PREX2: variants seen among roughly 807,000 people sequenced by gnomAD.
The protein encoded by PREX2 is phosphatidylinositol-3,4,5-trisphosphate dependent Rac exchange factor 2, also known as phosphatidylinositol 3,4,5-trisphosphate-dependent Rac exchanger 2 protein.
In PREX2, 107 loss-of-function variants were observed where a neutral mutation model predicts 203.2. That is an observed-to-expected ratio of 0.53 (90% CI 0.45 to 0.62). The LOEUF is 0.62. Among genes scored for constraint, PREX2 ranks in the 20% least tolerant of loss-of-function variants. PREX2 has a pLI of 0.00. For missense variants in PREX2, 1,777 were observed against 1,955.9 expected, an observed-to-expected ratio of 0.91 and a Z score of 1.72; for synonymous variants, 672 against 663.6, an observed-to-expected ratio of 1.01 and a Z score of -0.19.
rs115678173 is a variant in PREX2 at position 67,977,749 on chromosome 8, A to G, written c.141+25214A>G. 3.6e-3 allele frequency among the ~76,000 whole-genome samples: 542 copies of G among 152,296 alleles called. 11 individuals are homozygous for G. Among genetic ancestry groups the G allele is most frequent in the African/African-American group, 0.013 (521 of 41,574 alleles). ...CAATGATTTAATCAATTGTGTCTAC[A>G]TAATGAAGCTTCCATAAAAACCCCA... On this transcript the variant is annotated intron_variant, in intron 1 of 39. Transcript: ENST00000288368.
chr8:68,157,436 GGTAT>G lies in PREX2; in HGVS notation c.4346+4_4346+7del. 6.4e-7 allele frequency: 1 copy of G among 1,562,312 alleles called. No individual in the cohort carries two copies. Among genetic ancestry groups the G allele is most frequent in the Non-Finnish European group, 8.8e-7 (1 of 1,134,402 alleles). On this transcript the variant is annotated splice_donor_variant and splice_donor_region_variant and intron_variant, in intron 35 of 39. Coordinates refer to ENST00000288368, the MANE Select transcript of PREX2 (RefSeq NM_024870.4). LOFTEE classifies it high-confidence loss of function. ...GTCAAACAGTACAACCAGAAGCTCAGGTATGTAACAATCCAACTGAAAAATAATG... is the reference window on the plus strand; with the variant it reads ...GTCAAACAGTACAACCAGAAGCTCAGGTAACAATCCAACTGAAAAATAATG...
chr8:68,061,332 T>C (rs775123084), intron 11 of PREX2, among the ~76,000 whole-genome samples: 5 of 152,198 alleles, frequency 3.3e-5, no homozygotes, highest in Non-Finnish European at 7.3e-5. Context: ...AGTCTCCTGC[T>C]GTGGCATGTG....
chr8:68,227,461 A>C (rs1813076486), intron 39 of PREX2, among the ~76,000 whole-genome samples: 2 of 152,284 alleles, frequency 1.3e-5, no homozygotes, highest in Non-Finnish European at 2.9e-5. Flanking sequence ...ATTGAGCATC[A>C]ATCCTCATCC....
chr8:68,202,437 T>G (rs1812524313), intron 37 of PREX2, among the ~76,000 whole-genome samples: 1 of 152,106 alleles, frequency 6.6e-6, no homozygotes, highest in South Asian at 2.1e-4. Flanking sequence ...AATGAAGGGT[T>G]TTCAGCTAAA....
Position 68,046,913 on chromosome 8 carries a change from A to G in PREX2, c.943+2323A>G, listed in dbSNP as rs773231343. Among the ~76,000 whole-genome samples, 91 of 152,034 alleles carry G rather than the reference A, an allele frequency of 6.0e-4. 1 individual carries two copies. Among genetic ancestry groups the G allele is most frequent in the Non-Finnish European group, 2.4e-4 (16 of 67,980 alleles). ...GTTCCTGGGGAATTGAATAATAGAA[A>G]TTTTGAAGAAGGATAGGATCTTGGT... On this transcript the variant is annotated intron_variant, in intron 8 of 39. Transcript: ENST00000288368.
At chr8:68,138,006 T>C (rs147094666) in intron 32 of PREX2, among the ~76,000 whole-genome samples, 1 of 152,378 alleles carries the variant, frequency 6.6e-6, no homozygotes, top group Admixed American at 6.5e-5. Context: ...AGGATAGCTA[T>C]TATGTAGTTT....
chr8:68,086,241 A>G (rs1473806315), intron 18 of PREX2, among the ~76,000 whole-genome samples: 1 of 152,186 alleles, frequency 6.6e-6, no homozygotes, highest in Admixed American at 6.5e-5. Context: ...CCGAGAGCAG[A>G]AAATCTTCAT....
At chr8:68,088,747 G>T (rs1207718530) in intron 19 of PREX2, among the ~76,000 whole-genome samples, 1 of 152,134 alleles carries the variant, frequency 6.6e-6, no homozygotes, top group Admixed American at 6.5e-5. Context: ...ATTAAATATT[G>T]TCAAACTAAA....
intron 30 of PREX2, among the ~76,000 whole-genome samples, chr8:68,121,272 A>C (rs904996352): frequency 6.6e-6 from 1 of 152,126 alleles, no homozygotes. Context: ...ATTCTCAGTG[A>C]ATAAAATAAG....
chr8:67,978,858 T>G (rs1806187169), intron 1 of PREX2, among the ~76,000 whole-genome samples: 1 of 152,210 alleles, frequency 6.6e-6, no homozygotes, highest in Non-Finnish European at 1.5e-5. Flanking sequence ...GTTTATAGCT[T>G]AGAGTAGTTA....
At chr8:68,208,843 C>T (rs1025535752) in intron 37 of PREX2, among the ~76,000 whole-genome samples, 1 of 151,960 alleles carries the variant, frequency 6.6e-6, no homozygotes. Context: ...AATCCCAGCA[C>T]TTTGCGAGGC....
intron 1 of PREX2, among the ~76,000 whole-genome samples, chr8:67,992,179 A>G (rs961812838): frequency 4.6e-5 from 7 of 152,044 alleles, no homozygotes; most frequent in Non-Finnish European, 1.0e-4. Flanking sequence ...AAGCTAAGAT[A>G]CGAGTGCTGG....
chr8:68,099,921 A>G, intron 23 of PREX2, 78 bp downstream of exon 23: 2 of 1,277,284 alleles, frequency 1.6e-6, no homozygotes, highest in Non-Finnish European at 2.3e-6. Context: ...AATTTTTGAT[A>G]TTTTCTTTAC....
At chr8:67,985,453 G>T (rs1272177108) in intron 1 of PREX2, among the ~76,000 whole-genome samples, 1 of 152,104 alleles carries the variant, frequency 6.6e-6, no homozygotes, top group Non-Finnish European at 1.5e-5. Flanking sequence ...AGTTGCAGTG[G>T]ATTTTACCCA....
chr8:68,086,602 C>G (rs776426257), intron 18 of PREX2, among the ~76,000 whole-genome samples: 1 of 152,146 alleles, frequency 6.6e-6, no homozygotes, highest in Non-Finnish European at 1.5e-5. Context: ...GATGTTCCCT[C>G]GCATCTTGCA....
chr8:68,179,330 G>A (rs1160630912), intron 35 of PREX2, among the ~76,000 whole-genome samples: 2 of 151,942 alleles, frequency 1.3e-5, no homozygotes, highest in African/African-American at 4.8e-5. Flanking sequence ...GGGGACATAG[G>A]TTGGGATTTT....
intron 23 of PREX2, chr8:68,101,530 G>A: frequency 2.0e-6 from 1 of 499,406 alleles, no homozygotes; most frequent in Non-Finnish European, 4.0e-6. Context: ...CCTTGTTGGA[G>A]TTGAAGGACA....
At chr8:68,184,797 T>C (rs1812157056) in intron 35 of PREX2, among the ~76,000 whole-genome samples, 1 of 152,188 alleles carries the variant, frequency 6.6e-6, no homozygotes, top group Non-Finnish European at 1.5e-5. Context: ...TTTTTGTCAC[T>C]GATTTAACCT....
At chr8:68,208,962 C>T (rs1483793714) in intron 37 of PREX2, among the ~76,000 whole-genome samples, 1 of 150,888 alleles carries the variant, frequency 6.6e-6, no homozygotes, top group African/African-American at 2.4e-5. Context: ...CACCTGTAGT[C>T]AGGAGCCCAA....
Sources: gnomAD v4.1 joint callset for allele counts (sites outside exome capture counted in the v4.1 genomes callset) on GRCh38, gnomAD v4.1.1 for gene constraint, MANE v1.5 for transcripts, NCBI Gene and HGNC (gene_info 2026-07-23, HGNC 2026-07-21) for gene names.